Variants in VCAN observed in about 807,000 individuals in gnomAD.
VCAN encodes versican core protein.
A neutral mutation model predicts 245.5 loss-of-function variants in VCAN; 44 were observed. The ratio of observed to expected loss-of-function variants is 0.18; its 90% CI spans 0.14 to 0.23. The LOEUF is 0.23. VCAN is among the 10% of genes least tolerant of loss of function. The probability of loss-of-function intolerance (pLI) is 1.00; values close to 1 mark genes in which losing one functional copy is unlikely to be tolerated. For synonymous variants in VCAN, 1,413 were observed against 1,437.0 expected (o/e 0.98, Z 0.38); for missense variants, 3,793 against 4,057.9 (o/e 0.93, Z 1.77).
intron 5 of VCAN, among the ~76,000 whole-genome samples, chr5:83,508,091 A>T (rs2112383752): frequency 6.6e-6 from 1 of 152,262 alleles, no homozygotes; most frequent in East Asian, 1.9e-4. Flanking sequence ...ACACTTCATC[A>T]GGGTTCCCTG....
chr5:83,493,619 G>T lies in VCAN; in HGVS notation c.519G>T (p.Leu173Phe), dbSNP rs1745054180. 1 of 1,613,948 alleles carries T rather than the reference G, an allele frequency of 6.2e-7. No homozygotes were observed. Among genetic ancestry groups the T allele is most frequent in the Non-Finnish European group, 8.5e-7 (1 of 1,180,028 alleles). Residue 173 changes from leucine to phenylalanine, a missense_variant, in exon 4 of 15, where the codon TTG (leucine) becomes TTT (phenylalanine). Coordinates refer to ENST00000265077, the MANE Select transcript of VCAN (RefSeq NM_004385.5). ...TTGAGGCTGCTCAGAAGGCTTGTTT[G>T]GACGTTGGGGCAGTCATAGCAACTC... The part of the protein sequence containing the change: ...LNFEAAQKAC[L>F]DVGAVIATPE...
In VCAN at chr5:83,554,984, C is replaced by T. The variant is rs759723689; in HGVS notation, c.9681C>T (p.Gly3227=). 1 of 1,613,616 alleles carries T rather than the reference C, an allele frequency of 6.2e-7. No homozygotes were observed. Among genetic ancestry groups the T allele is most frequent in the Non-Finnish European group, 8.5e-7 (1 of 1,179,680 alleles). Residue 3227 remains glycine, a synonymous_variant, in exon 12 of 15, where the codon GGC becomes GGT. Transcript: ENST00000265077. ...NRVGHDYQWI[G]LNDKMFEHDF... ...TGGGCCATGATTATCAGTGGATAGG[C>T]CTCAATGACAAGATGTTTGAGCATG... is the stretch of plus-strand genomic sequence containing the variant.
At position 83,488,046 on chromosome 5, in the gene VCAN, T is replaced by C. The variant is rs1032641416; in HGVS notation, c.71-2052T>C. 3.3e-5 allele frequency among the ~76,000 whole-genome samples: 5 copies of C among 152,324 alleles called. No individual in the cohort carries two copies. In the East Asian group the frequency reaches 5.8e-4, roughly 18 times the overall value. On this transcript the variant is annotated intron_variant, in intron 2 of 14. Transcript: ENST00000265077. ...AATAGTACTTTATTTGTGGCAAAGT[T>C]AGTCATCTAAATAATTCTTCAGGAA...
Position 83,519,329 on chromosome 5 carries a change from C to T in VCAN, c.1043-20C>T, listed in dbSNP as rs560922697. 9.3e-6 allele frequency: 15 copies of T among 1,613,164 alleles called. No homozygotes were observed. In the African/African-American group the frequency reaches 1.9e-4, roughly 20 times the overall value. On this transcript the variant is annotated intron_variant, in intron 6 of 14. Coordinates refer to ENST00000265077, the MANE Select transcript of VCAN (RefSeq NM_004385.5). ...TTATTAGTGACTTGTCTAATCAACTCTTTGAAATTATTTTTCTAGCTAAAG... is the reference window on the plus strand; with the variant it reads ...TTATTAGTGACTTGTCTAATCAACTTTTTGAAATTATTTTTCTAGCTAAAG...
At position 83,510,083 on chromosome 5, in the gene VCAN, G is replaced by A. The variant is rs1208816196; in HGVS notation, c.749-2020G>A. Among the ~76,000 whole-genome samples the A allele has an allele frequency of 3.0e-4, 46 of 152,082 alleles. 1 individual carries two copies. The highest frequency in any genetic ancestry group is 2.9e-5 in the Non-Finnish European group (2 of 67,998). ...AGGGAGACGTTGTGAGAGCCGGGAGGGGAACTTTTTCTTAGAGTGTATTGT... is the reference window on the plus strand; with the variant it reads ...AGGGAGACGTTGTGAGAGCCGGGAGAGGAACTTTTTCTTAGAGTGTATTGT... On this transcript the variant is annotated intron_variant, in intron 5 of 14. Coordinates refer to ENST00000265077, the MANE Select transcript of VCAN (RefSeq NM_004385.5).
chr5:83,496,069 G>C (rs927081526), intron 5 of VCAN, among the ~76,000 whole-genome samples: 1 of 152,184 alleles, frequency 6.6e-6, no homozygotes, highest in East Asian at 1.9e-4. Context: ...AGTACTGTTT[G>C]AAGAATTTTT....
intron 3 of VCAN, 136 bp from the exon 4 acceptor site, chr5:83,493,410 G>T: frequency 8.4e-7 from 1 of 1,186,342 alleles, no homozygotes; most frequent in Non-Finnish European, 1.2e-6. Context: ...AATGCTGCAT[G>T]AAGTAAAAGT....
chr5:83,501,544 A>G (rs925946045), intron 5 of VCAN, among the ~76,000 whole-genome samples: 1 of 152,160 alleles, frequency 6.6e-6, no homozygotes, highest in Admixed American at 6.5e-5. Context: ...TGTTGAAAAG[A>G]TAATTATTTC....
At chr5:83,503,532 A>G (rs2112375488) in intron 5 of VCAN, among the ~76,000 whole-genome samples, 1 of 152,378 alleles carries the variant, frequency 6.6e-6, no homozygotes, top group Non-Finnish European at 1.5e-5. Flanking sequence ...ACAAAAAACC[A>G]AAAGAGCAGG....
chr5:83,580,281 T>C (rs372513124), intron 14 of VCAN, 26 bp from the exon 15 acceptor site: 2 of 1,613,644 alleles, frequency 1.2e-6, no homozygotes. Flanking sequence ...TGTGTTTTCT[T>C]TTTTTCTTTC....
rs1468780500 is a variant in VCAN at position 83,520,571 on chromosome 5, G to A, written c.2265G>A (p.Lys755=). The A allele has an allele frequency of 1.2e-6, 2 of 1,614,000 alleles. No homozygotes were observed. Among genetic ancestry groups the A allele is most frequent in the East Asian group, 2.2e-5 (1 of 44,858 alleles). Residue 755 remains lysine (K), a synonymous_variant, in exon 7 of 15, where the codon AAG becomes AAA. Transcript: ENST00000265077. ...KSFDFPTLIT[K]LSAEPTEVRD... ...TTGATTTCCCAACATTGATAACAAAGTTAAGTGCAGAGCCAACAGAAGTAA... is the reference window on the plus strand; with the variant it reads ...TTGATTTCCCAACATTGATAACAAAATTAAGTGCAGAGCCAACAGAAGTAA...
In VCAN at chr5:83,541,461, T is replaced by C; in HGVS notation, c.8458T>C (p.Leu2820=). ...TTLAVSTFAK[L]SSQTPSSPLT... ...ATTAGCAGTTTCAACATTTGCGAAG[T>C]TGTCTTCTCAGACACCATCATCTCC... The change falls in exon 8 of 15, where the codon TTG becomes CTG. Residue 2820 remains leucine, a synonymous_variant. Coordinates refer to ENST00000265077, the MANE Select transcript of VCAN (RefSeq NM_004385.5). The C allele has an allele frequency of 6.2e-7, 1 of 1,614,068 alleles. No individual in the cohort carries two copies. Among genetic ancestry groups the C allele is most frequent in the South Asian group, 1.1e-5 (1 of 91,082 alleles).
At chr5:83,486,658 T>C (rs1470018714) in intron 2 of VCAN, among the ~76,000 whole-genome samples, 1 of 152,210 alleles carries the variant, frequency 6.6e-6, no homozygotes. Context: ...AAAGAACTCA[T>C]GCAATGAAAA....
intron 12 of VCAN, among the ~76,000 whole-genome samples, chr5:83,556,393 C>G (rs1217653615): frequency 6.6e-6 from 1 of 152,104 alleles, no homozygotes; most frequent in African/African-American, 2.4e-5. Flanking sequence ...TTGAGCAACC[C>G]AAAATAAGAC....
At chr5:83,547,594 C>G (rs1412830073) in intron 9 of VCAN, among the ~76,000 whole-genome samples, 2 of 152,146 alleles carry the variant, frequency 1.3e-5, no homozygotes, top group Admixed American at 1.3e-4. Context: ...AGAGAATGAG[C>G]CATGATTGGA....
intron 1 of VCAN, among the ~76,000 whole-genome samples, chr5:83,479,055 T>C (rs540072857): frequency 2.2e-4 from 34 of 152,308 alleles, no homozygotes; most frequent in African/African-American, 8.2e-4. Context: ...ATGATGCTAT[T>C]ACTTGTATGA....
intron 7 of VCAN, among the ~76,000 whole-genome samples, chr5:83,522,707 A>G (rs970401509): frequency 2.0e-5 from 3 of 152,180 alleles, no homozygotes; most frequent in African/African-American, 7.2e-5. Context: ...TACAATGTGG[A>G]CGGCTAAAAT....
chr5:83,496,582 A>G (rs1004638376), intron 5 of VCAN, among the ~76,000 whole-genome samples: 5 of 152,240 alleles, frequency 3.3e-5, no homozygotes, highest in African/African-American at 1.2e-4. Context: ...AAACTTGACA[A>G]TTCTGGAGGA....
chr5:83,573,854 A>G, intron 13 of VCAN, among the ~76,000 whole-genome samples: 1 of 152,342 alleles, frequency 6.6e-6, no homozygotes, highest in South Asian at 2.1e-4. Flanking sequence ...GAGATGGGTT[A>G]CCACCGCATA....
Sources: gnomAD v4.1 joint callset for allele counts (sites outside exome capture counted in the v4.1 genomes callset) on GRCh38, gnomAD v4.1.1 for gene constraint, MANE v1.5 for transcripts, NCBI Gene and HGNC (gene_info 2026-07-23, HGNC 2026-07-21) for gene names.